Variants in SRGAP1 observed in about 807,000 individuals in gnomAD.
The protein encoded by SRGAP1 is SLIT-ROBO Rho GTPase activating protein 1, also known as SLIT-ROBO Rho GTPase-activating protein 1.
In SRGAP1, 43 loss-of-function variants were observed where a neutral mutation model predicts 121.9. The ratio of observed to expected loss-of-function variants is 0.35; its 90% CI spans 0.28 to 0.46. The LOEUF is 0.46. Among genes scored for constraint, SRGAP1 ranks in the 20% least tolerant of loss-of-function variants. The probability of loss-of-function intolerance (pLI) is 1.00; values close to 1 mark genes in which losing one functional copy is unlikely to be tolerated. For missense variants in SRGAP1, 1,102 were observed against 1,350.9 expected, an observed-to-expected ratio of 0.82 and a Z score of 2.89; for synonymous variants, 447 against 485.4, an observed-to-expected ratio of 0.92 and a Z score of 1.04.
intron 3 of SRGAP1, among the ~76,000 whole-genome samples, chr12:64,001,261 G>A (rs2033888363): frequency 6.6e-6 from 1 of 152,182 alleles, no homozygotes; most frequent in African/African-American, 2.4e-5. Flanking sequence ...ATACAACCAA[G>A]TTGTTATTCA....
At chr12:63,959,424 C>T (rs1256199866) in intron 1 of SRGAP1, among the ~76,000 whole-genome samples, 1 of 151,966 alleles carries the variant, frequency 6.6e-6, no homozygotes, top group African/African-American at 2.4e-5. Context: ...TTGTGAAGTC[C>T]AGTGCAATAG....
At position 64,126,062 on chromosome 12, in the gene SRGAP1, G is replaced by A. The variant is rs774823330; in HGVS notation, c.2310G>A (p.Leu770=). Residue 770 remains leucine, a synonymous_variant, in exon 19 of 22, where the codon CTG becomes CTA. Transcript: ENST00000355086. Reference sequence around the variant, plus strand: ...TATCCTTCAAGAAGGGTGCCTCCCTGCTGCTGTATCACCGTGCATCTGAGG... The same window carrying A: ...TATCCTTCAAGAAGGGTGCCTCCCTACTGCTGTATCACCGTGCATCTGAGG... ...RELSFKKGAS[L]LLYHRASEDW... is the part of the protein sequence containing the mutation. 6.2e-7 allele frequency: 1 copy of A among 1,614,062 alleles called. No homozygotes were observed. Among genetic ancestry groups the A allele is most frequent in the East Asian group, 2.2e-5 (1 of 44,896 alleles).
intron 6 of SRGAP1, among the ~76,000 whole-genome samples, chr12:64,053,248 G>A (rs919180493): frequency 2.6e-5 from 4 of 152,180 alleles, no homozygotes; most frequent in African/African-American, 7.2e-5. Context: ...AGCCCATATT[G>A]TCTGTGTCAC....
chr12:63,901,356 A>G (rs2029916876), intron 1 of SRGAP1, among the ~76,000 whole-genome samples: 2 of 152,224 alleles, frequency 1.3e-5, no homozygotes, highest in South Asian at 2.1e-4. Context: ...TCCAAAATGT[A>G]AAGTCTCCCT....
At chr12:63,883,870 G>A (rs1469737537) in intron 1 of SRGAP1, among the ~76,000 whole-genome samples, 1 of 151,242 alleles carries the variant, frequency 6.6e-6, no homozygotes, top group African/African-American at 2.4e-5. Context: ...ATGTTAGCCA[G>A]GATGGTCTGC....
chr12:63,913,244 GC>G (rs938180311), intron 1 of SRGAP1, among the ~76,000 whole-genome samples: 3 of 101,290 alleles, frequency 3.0e-5, no homozygotes, highest in African/African-American at 1.2e-4. Flanking sequence ...TCTCACTCTT[GC>G]CCACATTGGC....
intron 1 of SRGAP1, among the ~76,000 whole-genome samples, chr12:63,979,613 G>A (rs780440649): frequency 6.6e-6 from 1 of 152,106 alleles, no homozygotes; most frequent in Non-Finnish European, 1.5e-5. Context: ...AGTGAACAGA[G>A]TGTAAATGAT....
intron 4 of SRGAP1, among the ~76,000 whole-genome samples, chr12:64,023,519 A>G (rs2034594919): frequency 6.6e-6 from 1 of 152,210 alleles, no homozygotes; most frequent in African/African-American, 2.4e-5. Flanking sequence ...GCTTTACAGC[A>G]TTACACTCAG....
chr12:64,065,281 C>G, intron 8 of SRGAP1, 62 bp downstream of exon 8: 1 of 1,327,948 alleles, frequency 7.5e-7, no homozygotes, highest in Non-Finnish European at 1.1e-6. Context: ...GGAAGACATT[C>G]TCACATGACT....
chr12:64,056,255 TG>T (rs2035338479), intron 6 of SRGAP1, among the ~76,000 whole-genome samples: 1 of 152,176 alleles, frequency 6.6e-6, no homozygotes, highest in African/African-American at 2.4e-5. Context: ...ATTCTTTGAC[TG>T]CACTATTGCA....
intron 6 of SRGAP1, among the ~76,000 whole-genome samples, chr12:64,050,353 C>T (rs189371101): frequency 2.9e-4 from 44 of 152,206 alleles, no homozygotes; most frequent in Admixed American, 4.6e-4. Context: ...CCAATTTGTA[C>T]GTTATTTCTT....
chr12:63,845,682 CCAATA>C lies in SRGAP1; in HGVS notation c.67+803_67+807del, dbSNP rs564873896. On this transcript the variant is annotated intron_variant, in intron 1 of 21. Coordinates refer to ENST00000355086, the MANE Select transcript of SRGAP1 (RefSeq NM_020762.4). The stretch of plus-strand genomic sequence containing the variant: ...GATTAAAAATATATATATTTTCTCT[CCAATA>C]CAAGTATTTTGTTTTGTTACTGAAG... Among the ~76,000 whole-genome samples, 13 of 152,264 alleles carry C rather than the reference CCAATA, an allele frequency of 8.5e-5. No individual in the cohort carries two copies. The South Asian group carries it at 2.7e-3, about 32-fold the overall frequency.
chr12:63,977,665 A>G (rs2033128843), intron 1 of SRGAP1, among the ~76,000 whole-genome samples: 1 of 151,956 alleles, frequency 6.6e-6, no homozygotes, highest in South Asian at 2.1e-4. Context: ...GCTGAGAGGA[A>G]CCATTTTTTC....
At chr12:64,038,351 G>A (rs2034943162) in intron 4 of SRGAP1, among the ~76,000 whole-genome samples, 1 of 151,840 alleles carries the variant, frequency 6.6e-6, no homozygotes, top group African/African-American at 2.4e-5. Flanking sequence ...CACACACAGG[G>A]ACACACAATT....
rs111501416 is a variant in SRGAP1 at position 63,871,155 on chromosome 12, A to C, written c.67+26272A>C. 3.3e-5 allele frequency among the ~76,000 whole-genome samples: 5 copies of C among 152,308 alleles called. 1 individual carries two copies. Among genetic ancestry groups the C allele is most frequent in the African/African-American group, 1.2e-4 (5 of 41,554 alleles). On this transcript the variant is annotated intron_variant, in intron 1 of 21. Transcript: ENST00000355086. Reference sequence around the variant, plus strand: ...TTTTATAACTTCCTTAAGTTAGCCAATTTAAATGCTAATTTTCCTCCCAAT... The same window carrying C: ...TTTTATAACTTCCTTAAGTTAGCCACTTTAAATGCTAATTTTCCTCCCAAT...
chr12:64,119,416 C>G (rs2036570101), intron 18 of SRGAP1, among the ~76,000 whole-genome samples: 1 of 152,138 alleles, frequency 6.6e-6, no homozygotes, highest in Non-Finnish European at 1.5e-5. Context: ...CTCTAAAGCC[C>G]AACTGGAGTT....
intron 4 of SRGAP1, among the ~76,000 whole-genome samples, chr12:64,042,455 G>A (rs932460497): frequency 6.6e-6 from 1 of 152,054 alleles, no homozygotes; most frequent in African/African-American, 2.4e-5. Flanking sequence ...GGTTTATTCT[G>A]CAAATTAATA....
At chr12:64,065,385 G>T (rs1018183395) in intron 8 of SRGAP1, among the ~76,000 whole-genome samples, 166 bp downstream of exon 8, 5 of 152,118 alleles carry the variant, frequency 3.3e-5, no homozygotes, top group Non-Finnish European at 7.3e-5. Flanking sequence ...TAAATGCAAA[G>T]ATTCTGTATT....
At chr12:63,936,204 G>T (rs987271651) in intron 1 of SRGAP1, among the ~76,000 whole-genome samples, 1 of 152,172 alleles carries the variant, frequency 6.6e-6, no homozygotes, top group African/African-American at 2.4e-5. Context: ...AGAGGATTGG[G>T]CTTGGGTAGT....
Sources: allele counts gnomAD v4.1 joint callset (sites outside exome capture counted in the v4.1 genomes callset), GRCh38; gene constraint gnomAD v4.1.1; transcripts MANE v1.5; gene names NCBI Gene and HGNC (gene_info 2026-07-23, HGNC 2026-07-21).